Variants in SFMBT1 observed in about 807,000 individuals in gnomAD.
The protein encoded by SFMBT1 is scm-like with four MBT domains protein 1.
Under a neutral mutation model 108.7 loss-of-function variants are expected in SFMBT1, and 32 were observed. The observed-to-expected ratio is 0.29, with a 90% CI of 0.22 to 0.40. The LOEUF is 0.40. Among genes scored for constraint, SFMBT1 ranks in the 10% least tolerant of loss-of-function variants. The pLI, the probability that SFMBT1 is intolerant of heterozygous loss-of-function variation, is 1.00. For missense variants in SFMBT1, 816 were observed against 1,059.6 expected (o/e 0.77, Z 3.19); for synonymous variants, 348 against 369.5 (o/e 0.94, Z 0.67).
chr3:52,954,719 A>G (rs1159503803), intron 2 of SFMBT1, among the ~76,000 whole-genome samples: 1 of 152,200 alleles, frequency 6.6e-6, no homozygotes, highest in Non-Finnish European at 1.5e-5. Flanking sequence ...AACCATTACT[A>G]TCACTTTGGA....
Position 53,003,669 on chromosome 3 carries a change from AAAGAG to A in SFMBT1, c.-130-34416_-130-34412del, listed in dbSNP as rs533199920. Among the ~76,000 whole-genome samples the A allele has an allele frequency of 9.3e-4, 139 of 149,426 alleles. 7 individuals carry two copies. The highest frequency in any genetic ancestry group is 3.4e-3 in the Middle Eastern group (1 of 290). On this transcript the variant is annotated intron_variant, in intron 1 of 20. Coordinates refer to ENST00000394752, the MANE Select transcript of SFMBT1 (RefSeq NM_016329.4). ...ATTAGTTGTTGTAAACACAGGTATT[AAAGAG>A]CACACAGTGACTGACAGCATTATAT...
chr3:52,933,105 C>T (rs968183521), intron 5 of SFMBT1, among the ~76,000 whole-genome samples: 3 of 152,114 alleles, frequency 2.0e-5, no homozygotes, highest in Non-Finnish European at 4.4e-5. Flanking sequence ...CTGTCTGTTC[C>T]TATTTTTTGA....
At chr3:52,919,092 C>T (rs1166380806) in intron 12 of SFMBT1, among the ~76,000 whole-genome samples, 1 of 152,150 alleles carries the variant, frequency 6.6e-6, no homozygotes, top group East Asian at 1.9e-4. Context: ...CGCCACTCAC[C>T]TCCTGCTGTG....
At chr3:52,914,449 A>G (rs1182448687) in intron 14 of SFMBT1, among the ~76,000 whole-genome samples, 1 of 152,214 alleles carries the variant, frequency 6.6e-6, no homozygotes, top group East Asian at 1.9e-4. Context: ...AGTCACAGCC[A>G]GGTGTTGTGG....
At chr3:52,936,726 G>A (rs1462340915) in intron 4 of SFMBT1, among the ~76,000 whole-genome samples, 2 of 152,144 alleles carry the variant, frequency 1.3e-5, no homozygotes, top group African/African-American at 4.8e-5. Flanking sequence ...CACTGGGTTA[G>A]TGTTTCTCGG....
Position 53,011,956 on chromosome 3 carries a change from G to A in SFMBT1, c.-131+33860C>T, listed in dbSNP as rs962129065. On this transcript the variant is annotated intron_variant, in intron 1 of 20. Coordinates refer to ENST00000394752, the MANE Select transcript of SFMBT1 (RefSeq NM_016329.4). ...GTAACTACTAATCAGAAAATCTCAC[G>A]GAGAAATGAACAGAGAATGAAGGAG... Among the ~76,000 whole-genome samples, 7 of 152,228 alleles carry A rather than the reference G, an allele frequency of 4.6e-5. No individual in the cohort carries two copies. The South Asian group carries it at 6.2e-4, about 14-fold the overall frequency.
intron 6 of SFMBT1, among the ~76,000 whole-genome samples, 181 bp from the exon 7 acceptor site, chr3:52,931,216 T>C (rs772472039): frequency 2.0e-5 from 3 of 152,224 alleles, no homozygotes; most frequent in African/African-American, 4.8e-5. Context: ...CTTTGCTCTA[T>C]GCAGAGCCTG....
At chr3:52,986,984 T>C (rs891524017) in intron 1 of SFMBT1, among the ~76,000 whole-genome samples, 1 of 152,078 alleles carries the variant, frequency 6.6e-6, no homozygotes, top group African/African-American at 2.4e-5. Flanking sequence ...TATAACTTTT[T>C]TCTATTAACT....
At chr3:52,992,750 T>C (rs1705184448) in intron 1 of SFMBT1, among the ~76,000 whole-genome samples, 1 of 152,204 alleles carries the variant, frequency 6.6e-6, no homozygotes, top group Non-Finnish European at 1.5e-5. Flanking sequence ...AAACAATAAA[T>C]ATACATTCCC....
chr3:52,953,946 G>A (rs1703683400), intron 3 of SFMBT1, among the ~76,000 whole-genome samples: 1 of 152,062 alleles, frequency 6.6e-6, no homozygotes, highest in Admixed American at 6.6e-5. Flanking sequence ...TGGCAATGGT[G>A]AAACCCCATC....
At chr3:52,999,887 A>C (rs1698479488) in intron 1 of SFMBT1, among the ~76,000 whole-genome samples, 1 of 149,684 alleles carries the variant, frequency 6.7e-6, no homozygotes, top group South Asian at 2.1e-4. Flanking sequence ...GAGACAGAGT[A>C]TCGCTCTGTC....
intron 17 of SFMBT1, among the ~76,000 whole-genome samples, chr3:52,910,149 CT>C (rs1203212934): frequency 2.0e-5 from 3 of 152,130 alleles, no homozygotes; most frequent in Non-Finnish European, 4.4e-5. Context: ...GCCCACCTTG[CT>C]TCACTGTTCC....
intron 1 of SFMBT1, among the ~76,000 whole-genome samples, chr3:53,011,472 C>T (rs1020341478): frequency 1.3e-5 from 2 of 152,286 alleles, no homozygotes; most frequent in African/African-American, 4.8e-5. Flanking sequence ...AGGAGTGCTA[C>T]ATTTTATAGC....
At chr3:52,980,002 G>T (rs777241858) in intron 1 of SFMBT1, among the ~76,000 whole-genome samples, 1 of 152,078 alleles carries the variant, frequency 6.6e-6, no homozygotes, top group Non-Finnish European at 1.5e-5. Flanking sequence ...GAAAAAACTT[G>T]CAGACAAACC....
intron 2 of SFMBT1, among the ~76,000 whole-genome samples, chr3:52,962,172 A>C (rs1703979861): frequency 1.3e-5 from 2 of 152,228 alleles, no homozygotes. Context: ...GTGGAAGAAA[A>C]CTTGGCAATA....
At chr3:52,934,697 A>C in intron 5 of SFMBT1, 116 bp downstream of exon 5, 1 of 804,576 alleles carries the variant, frequency 1.2e-6, no homozygotes, top group Non-Finnish European at 1.9e-6. Flanking sequence ...ACCTATGCCT[A>C]TGTCTCTAAT....
intron 1 of SFMBT1, among the ~76,000 whole-genome samples, chr3:53,017,381 AT>A (rs1376304125): frequency 1.3e-5 from 2 of 152,180 alleles, no homozygotes; most frequent in African/African-American, 4.8e-5. Context: ...CAGTTCTTTT[AT>A]TAATTCACTC....
intron 3 of SFMBT1, among the ~76,000 whole-genome samples, chr3:52,949,712 T>G (rs1258414621): frequency 6.6e-6 from 1 of 151,598 alleles, no homozygotes; most frequent in East Asian, 1.9e-4. Flanking sequence ...CCTGAGTAGC[T>G]GGGATTACAG....
chr3:52,942,271 T>C (rs1371785574), intron 4 of SFMBT1, among the ~76,000 whole-genome samples: 1 of 152,192 alleles, frequency 6.6e-6, no homozygotes. Flanking sequence ...TTTTTAGAAA[T>C]ACATACAGTA....
Sources: gnomAD v4.1 joint callset for allele counts (sites outside exome capture counted in the v4.1 genomes callset) on GRCh38, gnomAD v4.1.1 for gene constraint, MANE v1.5 for transcripts, NCBI Gene and HGNC (gene_info 2026-07-23, HGNC 2026-07-21) for gene names.